The following FHIT variants were observed in gnomAD, a reference collection of about 807,000 sequenced individuals.
The protein encoded by FHIT is bis(5'-adenosyl)-triphosphatase.
FHIT carries 19 observed loss-of-function variants against 17.9 expected under a neutral mutation model. That is an observed-to-expected ratio of 1.06 (90% CI 0.74 to 1.56). The LOEUF (loss-of-function observed/expected upper bound fraction) is 1.56. Among genes scored for constraint, FHIT ranks in the 40% most tolerant of loss-of-function variants. FHIT has a pLI of 0.00. For missense variants in FHIT, 248 were observed against 189.2 expected (o/e 1.31, Z -1.82); for synonymous variants, 81 against 69.7 (o/e 1.16, Z -0.81).
At chr3:59,908,071 T>C (rs745676371) in intron 8 of FHIT, among the ~76,000 whole-genome samples, 2 of 152,224 alleles carry the variant, frequency 1.3e-5, no homozygotes, top group Non-Finnish European at 2.9e-5. Flanking sequence ...TCTAATTGAA[T>C]CTTCTACTTT....
At chr3:59,871,989 G>A (rs1167410808) in intron 8 of FHIT, among the ~76,000 whole-genome samples, 1 of 152,176 alleles carries the variant, frequency 6.6e-6, no homozygotes, top group Non-Finnish European at 1.5e-5. Context: ...AAACCAAGGT[G>A]ATACAAAGTT....
intron 4 of FHIT, among the ~76,000 whole-genome samples, chr3:60,666,487 C>G (rs1311494871): frequency 6.6e-6 from 1 of 152,052 alleles, no homozygotes; most frequent in Non-Finnish European, 1.5e-5. Flanking sequence ...GGTAATGTGT[C>G]ATTTCTCTTA....
At chr3:59,987,230 T>C (rs1378233241) in intron 7 of FHIT, among the ~76,000 whole-genome samples, 2 of 150,620 alleles carry the variant, frequency 1.3e-5, no homozygotes, top group East Asian at 3.9e-4. Flanking sequence ...TTAGGACTGC[T>C]TTTCCTGAAA....
At chr3:60,114,055 A>G in intron 5 of FHIT, among the ~76,000 whole-genome samples, 1 of 99,732 alleles carries the variant, frequency 1.0e-5, no homozygotes, top group African/African-American at 3.9e-5. Context: ...ATATATATAT[A>G]TATATATATA....
chr3:60,853,026 C>G (rs998654815), intron 3 of FHIT, among the ~76,000 whole-genome samples: 1 of 152,130 alleles, frequency 6.6e-6, no homozygotes, highest in East Asian at 1.9e-4. Flanking sequence ...ATGTACTTTA[C>G]TCAAATTCTT....
At chr3:60,804,058 A>C (rs1253145811) in intron 4 of FHIT, among the ~76,000 whole-genome samples, 1 of 152,186 alleles carries the variant, frequency 6.6e-6, no homozygotes, top group Non-Finnish European at 1.5e-5. Flanking sequence ...GAGGCAGTAG[A>C]TTCACTAAGA....
At chr3:60,847,813 A>T (rs1268519997) in intron 3 of FHIT, among the ~76,000 whole-genome samples, 1 of 152,104 alleles carries the variant, frequency 6.6e-6, no homozygotes, top group Non-Finnish European at 1.5e-5. Context: ...CATTTCTGTG[A>T]TACACTCATT....
chr3:61,048,280 GA>G (rs2033890187), intron 2 of FHIT, among the ~76,000 whole-genome samples: 1 of 151,996 alleles, frequency 6.6e-6, no homozygotes, highest in African/African-American at 2.4e-5. Flanking sequence ...AAATTTACAA[GA>G]AAAAAATCAA....
intron 8 of FHIT, among the ~76,000 whole-genome samples, chr3:59,773,108 C>A (rs1299827228): frequency 2.0e-5 from 3 of 152,162 alleles, no homozygotes; most frequent in Non-Finnish European, 4.4e-5. Flanking sequence ...AAGGGGTCCA[C>A]AATTCAGTTG....
intron 4 of FHIT, among the ~76,000 whole-genome samples, chr3:60,647,265 G>T (rs1553687012): frequency 6.6e-6 from 1 of 152,176 alleles, no homozygotes; most frequent in East Asian, 1.9e-4. Flanking sequence ...CTCTGCAGCA[G>T]GTAATTTGTT....
chr3:60,658,778 T>C (rs894151238), intron 4 of FHIT, among the ~76,000 whole-genome samples: 1 of 151,980 alleles, frequency 6.6e-6, no homozygotes, highest in South Asian at 2.1e-4. Flanking sequence ...AGAAAAAAAA[T>C]GGAGTTAACA....
intron 7 of FHIT, among the ~76,000 whole-genome samples, chr3:59,992,008 G>T (rs529483362): frequency 6.6e-6 from 1 of 152,144 alleles, no homozygotes; most frequent in South Asian, 2.1e-4. Context: ...AGTCTTTAAC[G>T]TATGCAGGGA....
chr3:59,911,503 T>A (rs535415417), intron 8 of FHIT, among the ~76,000 whole-genome samples: 45 of 152,296 alleles, frequency 3.0e-4, no homozygotes, highest in African/African-American at 1.0e-3. Flanking sequence ...TTCAGGGAGA[T>A]TCCAGAAACG....
intron 5 of FHIT, among the ~76,000 whole-genome samples, chr3:60,342,745 G>C (rs1213157500): frequency 1.3e-5 from 2 of 152,174 alleles, no homozygotes; most frequent in Admixed American, 1.3e-4. Flanking sequence ...GAAAAATATT[G>C]TCTGGAGATA....
intron 5 of FHIT, among the ~76,000 whole-genome samples, chr3:60,492,590 G>A (rs1434397221): frequency 1.4e-5 from 2 of 146,158 alleles, no homozygotes; most frequent in African/African-American, 5.1e-5. Flanking sequence ...CACTGCAACC[G>A]CCACCTCCCA....
intron 5 of FHIT, among the ~76,000 whole-genome samples, chr3:60,483,485 C>T (rs561201485): frequency 6.6e-6 from 1 of 152,322 alleles, no homozygotes; most frequent in South Asian, 2.1e-4. Context: ...CCACCACGAT[C>T]AAGTCAGCTT....
At chr3:60,247,359 A>G (rs9877486) in intron 5 of FHIT, among the ~76,000 whole-genome samples, 71,015 of 151,386 alleles carry the variant, frequency 0.47, 17,472 homozygotes, top group African/African-American at 0.6. Context: ...ACCTTGCATC[A>G]GAAAGAAGAA....
intron 3 of FHIT, among the ~76,000 whole-genome samples, chr3:60,952,687 C>A (rs1411883439): frequency 6.6e-6 from 1 of 152,082 alleles, no homozygotes; most frequent in Non-Finnish European, 1.5e-5. Flanking sequence ...AAACATGAAA[C>A]AAAACCCCCA....
At chr3:60,552,059 G>A (rs1463668863) in intron 4 of FHIT, among the ~76,000 whole-genome samples, 3 of 151,900 alleles carry the variant, frequency 2.0e-5, no homozygotes, top group African/African-American at 7.3e-5. Flanking sequence ...TGCCTTTTCT[G>A]GACATTCTAT....
Sources: allele counts gnomAD v4.1 joint callset (sites outside exome capture counted in the v4.1 genomes callset), GRCh38; gene constraint gnomAD v4.1.1; transcripts MANE v1.5; gene names NCBI Gene and HGNC (gene_info 2026-07-23, HGNC 2026-07-21).